Variants in MDFIC2 observed in about 807,000 individuals in gnomAD.
MDFIC2 encodes the protein MyoD family inhibitor domain containing 2.
intron 2 of MDFIC2, among the ~76,000 whole-genome samples, chr3:70,270,472 G>T (rs1701965892): frequency 6.6e-6 from 1 of 152,070 alleles, no homozygotes; most frequent in African/African-American, 2.4e-5. Context: ...GTTGACAGTG[G>T]CTACCTCTCA....
At chr3:70,281,459 C>A (rs1274797519) in intron 2 of MDFIC2, among the ~76,000 whole-genome samples, 1 of 152,094 alleles carries the variant, frequency 6.6e-6, no homozygotes, top group African/African-American at 2.4e-5. Context: ...CGTGAACAGG[C>A]CACTTAGTTT....
At chr3:70,240,299 C>G (rs1403717082) in intron 2 of MDFIC2, among the ~76,000 whole-genome samples, 5 of 151,582 alleles carry the variant, frequency 3.3e-5, no homozygotes, top group African/African-American at 7.3e-5. Context: ...GGAAAAAAAA[C>G]AGTAGCTAAG....
intron 2 of MDFIC2, among the ~76,000 whole-genome samples, chr3:70,286,776 T>A (rs1702168916): frequency 6.6e-6 from 1 of 152,174 alleles, no homozygotes. Context: ...GTCCTTCACA[T>A]CCCTTATAAG....
At chr3:70,244,514 C>T (rs1701688654) in intron 2 of MDFIC2, among the ~76,000 whole-genome samples, 1 of 152,120 alleles carries the variant, frequency 6.6e-6, no homozygotes, top group South Asian at 2.1e-4. Context: ...GCTGTGAAAG[C>T]TGTGAGTAGG....
rs115089263 is a variant in MDFIC2, at chr3:70,223,922, C to T, written c.89-17132G>A. On this transcript the variant is annotated intron_variant, in intron 2 of 3. Coordinates refer to ENST00000567252, the MANE Select transcript of MDFIC2 (RefSeq NM_001364677.1). The stretch of plus-strand genomic sequence containing the variant: ...TCATCAATCTAACTTTTGTACTCTC[C>T]TCTCCCCCCACCCTTTTGGTTTTGT... Among the ~76,000 whole-genome samples the T allele has an allele frequency of 3.2e-3, 493 of 152,138 alleles. 3 individuals carry two copies. Among genetic ancestry groups the T allele is most frequent in the African/African-American group, 0.011 (470 of 41,520 alleles).
chr3:70,270,312 A>G (rs953298407), intron 2 of MDFIC2, among the ~76,000 whole-genome samples: 3 of 152,216 alleles, frequency 2.0e-5, no homozygotes, highest in African/African-American at 7.2e-5. Context: ...GAAATAAATA[A>G]AAACAGCTTC....
chr3:70,278,644 A>T (rs1182719364), intron 2 of MDFIC2, among the ~76,000 whole-genome samples: 1 of 152,088 alleles, frequency 6.6e-6, no homozygotes, highest in African/African-American at 2.4e-5. Flanking sequence ...TGGCTCTAGA[A>T]TATGTCTTTT....
intron 1 of MDFIC2, 49 bp downstream of exon 1, chr3:70,312,502 G>A (rs1386033135): frequency 6.6e-6 from 1 of 152,192 alleles, no homozygotes; most frequent in Non-Finnish European, 1.5e-5. Context: ...TGACTTTCAT[G>A]GCTTGCTCGC....
intron 2 of MDFIC2, among the ~76,000 whole-genome samples, chr3:70,209,100 T>C (rs1372427770): frequency 6.6e-6 from 1 of 152,086 alleles, no homozygotes; most frequent in Non-Finnish European, 1.5e-5. Context: ...TTATTTTTCT[T>C]ACTTGGGTAT....
At chr3:70,279,159 G>C (rs569275864) in intron 2 of MDFIC2, among the ~76,000 whole-genome samples, 1 of 150,376 alleles carries the variant, frequency 6.6e-6, no homozygotes, top group Non-Finnish European at 1.5e-5. Flanking sequence ...ACAACAATAA[G>C]TGCCATTCCA....
rs193193813 is a variant in MDFIC2 at position 70,232,077 on chromosome 3, G to C, written c.89-25287C>G. ...TTTGTTATTCTGACATAATGAACTG[G>C]GAGATGTGCTTTCCAAGTGCTGAGG... On this transcript the variant is annotated intron_variant, in intron 2 of 3. Transcript: ENST00000567252. 1.5e-3 allele frequency among the ~76,000 whole-genome samples: 233 copies of C among 152,218 alleles called. 1 individual carries two copies. The highest frequency in any genetic ancestry group is 3.4e-3 in the Middle Eastern group (1 of 294).
At chr3:70,223,560 A>G (rs1701478264) in intron 2 of MDFIC2, among the ~76,000 whole-genome samples, 1 of 152,114 alleles carries the variant, frequency 6.6e-6, no homozygotes, top group Middle Eastern at 3.2e-3. Context: ...TGTCTCCCCC[A>G]CCAAAAATGA....
At chr3:70,287,453 AT>A (rs1413274590) in intron 2 of MDFIC2, among the ~76,000 whole-genome samples, 3 of 151,754 alleles carry the variant, frequency 2.0e-5, no homozygotes, top group Non-Finnish European at 1.5e-5. Flanking sequence ...TGCTGGATTC[AT>A]TTTGCCAGTA....
At position 70,245,063 on chromosome 3, in the gene MDFIC2, GA is replaced by G. The variant is rs570230065; in HGVS notation, c.89-38274del. On this transcript the variant is annotated intron_variant, in intron 2 of 3. Coordinates refer to ENST00000567252, the MANE Select transcript of MDFIC2 (RefSeq NM_001364677.1). Reference sequence around the variant, plus strand: ...TTGGAATTGCAATCAGGGATTTACAGATTTCATTTTGAAGAGGAGAAGTCAT... The same window carrying G: ...TTGGAATTGCAATCAGGGATTTACAGTTTCATTTTGAAGAGGAGAAGTCAT... Among the ~76,000 whole-genome samples, 815 of 152,228 alleles carry G rather than the reference GA, an allele frequency of 5.4e-3. 8 individuals are homozygous for G. Among genetic ancestry groups the G allele is most frequent in the African/African-American group, 0.019 (783 of 41,560 alleles).
intron 2 of MDFIC2, among the ~76,000 whole-genome samples, chr3:70,270,820 T>A (rs1575611580): frequency 6.6e-6 from 1 of 151,808 alleles, no homozygotes; most frequent in East Asian, 1.9e-4. Context: ...CACTCATAAG[T>A]GGGAGTTGAG....
chr3:70,209,489 T>G (rs1215006298), intron 2 of MDFIC2, among the ~76,000 whole-genome samples: 1 of 152,044 alleles, frequency 6.6e-6, no homozygotes, highest in African/African-American at 2.4e-5. Context: ...GTAGATATTG[T>G]TAGCCTCCTT....
chr3:70,262,724 C>T (rs1478368674), intron 2 of MDFIC2, among the ~76,000 whole-genome samples: 5 of 152,076 alleles, frequency 3.3e-5, no homozygotes, highest in South Asian at 2.1e-4. Flanking sequence ...TTGGAGATTC[C>T]GGGATCTGTA....
At chr3:70,250,223 A>C (rs1285178627) in intron 2 of MDFIC2, among the ~76,000 whole-genome samples, 3 of 152,148 alleles carry the variant, frequency 2.0e-5, no homozygotes, top group East Asian at 1.9e-4. Flanking sequence ...GGGCCTCTTA[A>C]TTCTTCTCAT....
intron 3 of MDFIC2, chr3:70,204,433 T>G (rs1701270419): frequency 6.6e-6 from 1 of 152,164 alleles, no homozygotes; most frequent in Non-Finnish European, 1.5e-5. Flanking sequence ...GAGTTTCTTA[T>G]CACTCTTTGT....
Sources: allele counts gnomAD v4.1 joint callset (sites outside exome capture counted in the v4.1 genomes callset), GRCh38; gene constraint gnomAD v4.1.1; transcripts MANE v1.5; gene names NCBI Gene and HGNC (gene_info 2026-07-23, HGNC 2026-07-21).